COL28A1: variants seen among roughly 807,000 people sequenced by gnomAD.
COL28A1 encodes the protein collagen alpha-1(XXVIII) chain.
In COL28A1, 161 loss-of-function variants were observed where a neutral mutation model predicts 150.2. The ratio of observed to expected loss-of-function variants is 1.07; its 90% CI spans 0.94 to 1.22. The LOEUF (loss-of-function observed/expected upper bound fraction) is 1.22, where lower values mean the gene tolerates loss of function less well. Ranked by LOEUF, COL28A1 falls within the 50% of genes most tolerant of loss-of-function variation. The probability of loss-of-function intolerance (pLI) is 0.00; values close to 1 mark genes in which losing one functional copy is unlikely to be tolerated. For missense variants in COL28A1, 1,617 were observed against 1,388.3 expected, an observed-to-expected ratio of 1.16 and a Z score of -2.62; for synonymous variants, 552 against 469.7, an observed-to-expected ratio of 1.18 and a Z score of -2.26.
At chr7:7,382,433 T>C (rs896407611) in intron 27 of COL28A1, among the ~76,000 whole-genome samples, 1 of 152,162 alleles carries the variant, frequency 6.6e-6, no homozygotes, top group Non-Finnish European at 1.5e-5. Context: ...TAGTTCCATC[T>C]CTCATAATTT....
chr7:7,381,756 A>T, intron 27 of COL28A1, 144 bp from the exon 28 acceptor site: 3 of 550,460 alleles, frequency 5.4e-6, no homozygotes, highest in Non-Finnish European at 9.6e-6. Flanking sequence ...TATGTATATA[A>T]ATACATATGT....
intron 9 of COL28A1, among the ~76,000 whole-genome samples, chr7:7,508,979 G>A (rs565347845): frequency 1.3e-5 from 2 of 152,072 alleles, no homozygotes; most frequent in Non-Finnish European, 2.9e-5. Context: ...AATTACAGGT[G>A]TGCACCACCA....
chr7:7,487,674 G>A (rs911097666), intron 13 of COL28A1, among the ~76,000 whole-genome samples: 2 of 152,112 alleles, frequency 1.3e-5, no homozygotes, highest in African/African-American at 4.8e-5. Context: ...TAATTTTATA[G>A]AAGTTAAAAT....
chr7:7,420,642 G>A (rs997272551), intron 25 of COL28A1, among the ~76,000 whole-genome samples: 3 of 152,138 alleles, frequency 2.0e-5, no homozygotes, highest in African/African-American at 7.2e-5. Context: ...TTATAATGAT[G>A]TCTAGTTTAT....
chr7:7,418,709 C>A (rs578039794), intron 26 of COL28A1, among the ~76,000 whole-genome samples: 137 of 151,840 alleles, frequency 9.0e-4, no homozygotes, highest in Non-Finnish European at 1.5e-3. Flanking sequence ...AAAAGCTTGA[C>A]TTTTTCTGAT....
At chr7:7,517,302 C>A (rs558416728) in intron 7 of COL28A1, among the ~76,000 whole-genome samples, 1 of 152,058 alleles carries the variant, frequency 6.6e-6, no homozygotes, top group African/African-American at 2.4e-5. Context: ...ACTGCAATGC[C>A]CAGAAAAGTG....
intron 27 of COL28A1, among the ~76,000 whole-genome samples, chr7:7,383,232 T>G (rs1362529293): frequency 6.6e-6 from 1 of 150,708 alleles, no homozygotes; most frequent in Non-Finnish European, 1.5e-5. Flanking sequence ...CATTTCAAAA[T>G]AATACATCTT....
In COL28A1 at chr7:7,460,591, C is replaced by T. The variant is rs531498587; in HGVS notation, c.1303-4479G>A. ...TAGAGACAAGGTTTCACCGTGTTAGCCAGGATGGTCTCGATCTCCTGACCT... is the reference window on the plus strand; with the variant it reads ...TAGAGACAAGGTTTCACCGTGTTAGTCAGGATGGTCTCGATCTCCTGACCT... On this transcript the variant is annotated intron_variant, in intron 15 of 34. Transcript: ENST00000399429. Among the ~76,000 whole-genome samples the T allele has an allele frequency of 2.0e-5, 3 of 152,104 alleles. No individual in the cohort carries two copies. The East Asian group carries it at 5.8e-4, about 29-fold the overall frequency.
chr7:7,387,273 G>A (rs73347103), intron 27 of COL28A1, among the ~76,000 whole-genome samples: 7,309 of 152,084 alleles, frequency 0.048, 642 homozygotes, highest in African/African-American at 0.17. Flanking sequence ...ACCATTAGAT[G>A]CCTCCTCGTA....
At chr7:7,406,971 G>A (rs1783524787) in intron 27 of COL28A1, among the ~76,000 whole-genome samples, 1 of 151,882 alleles carries the variant, frequency 6.6e-6, no homozygotes, top group Non-Finnish European at 1.5e-5. Context: ...TACCTATACA[G>A]AATGACTATG....
At chr7:7,353,759 T>C (rs1769222327), downstream of COL28A1, among the ~76,000 whole-genome samples, 1 of 152,160 alleles carries the variant, frequency 6.6e-6, no homozygotes, top group Admixed American at 6.5e-5. Flanking sequence ...CAGTTTTCTA[T>C]GTGGGCAAAA....
At chr7:7,465,212 G>A (rs531871587) in intron 15 of COL28A1, among the ~76,000 whole-genome samples, 1 of 151,774 alleles carries the variant, frequency 6.6e-6, no homozygotes, top group Admixed American at 6.6e-5. Context: ...ATCCCACTAG[G>A]GAGTGCCAGA....
chr7:7,398,576 C>T (rs1782979663), intron 27 of COL28A1, among the ~76,000 whole-genome samples: 1 of 152,198 alleles, frequency 6.6e-6, no homozygotes, highest in South Asian at 2.1e-4. Flanking sequence ...ATGGATAGGT[C>T]ATAGTGCAAA....
At chr7:7,397,337 T>G (rs1419359795) in intron 27 of COL28A1, among the ~76,000 whole-genome samples, 1 of 152,226 alleles carries the variant, frequency 6.6e-6, no homozygotes, top group South Asian at 2.1e-4. Context: ...TAAAGGACAT[T>G]CGGGCCTTAT....
intron 23 of COL28A1, among the ~76,000 whole-genome samples, chr7:7,435,966 C>A (rs1231573351): frequency 6.6e-6 from 1 of 152,108 alleles, no homozygotes; most frequent in Non-Finnish European, 1.5e-5. Flanking sequence ...AACCTGGTTT[C>A]TTCTTATTTG....
intron 6 of COL28A1, among the ~76,000 whole-genome samples, chr7:7,518,395 A>G (rs1339263987): frequency 6.6e-6 from 1 of 152,182 alleles, no homozygotes; most frequent in Non-Finnish European, 1.5e-5. Context: ...ATGTGTGTGT[A>G]TGTTGTAAAG....
chr7:7,415,022 G>A (rs1024436572), intron 27 of COL28A1, among the ~76,000 whole-genome samples: 48 of 152,286 alleles, frequency 3.2e-4, no homozygotes, highest in African/African-American at 1.0e-3. Context: ...TGCTCAATCC[G>A]TATTGGTTGG....
chr7:7,402,652 T>C (rs1049601814), intron 27 of COL28A1, among the ~76,000 whole-genome samples: 2 of 152,198 alleles, frequency 1.3e-5, no homozygotes, highest in African/African-American at 4.8e-5. Flanking sequence ...TTATCTTTTA[T>C]AAAGTAAAGG....
chr7:7,488,774 T>G (rs952153346), intron 13 of COL28A1, among the ~76,000 whole-genome samples: 10 of 152,214 alleles, frequency 6.6e-5, no homozygotes, highest in African/African-American at 2.4e-4. Context: ...AGAAATCCAT[T>G]ATAAAGTATA....
Sources: gnomAD v4.1 joint callset for allele counts (sites outside exome capture counted in the v4.1 genomes callset) on GRCh38, gnomAD v4.1.1 for gene constraint, MANE v1.5 for transcripts, NCBI Gene and HGNC (gene_info 2026-07-23, HGNC 2026-07-21) for gene names.